Variants in TRABD2B observed in about 807,000 individuals in gnomAD.
The protein encoded by TRABD2B is metalloprotease TIKI2.
A neutral mutation model predicts 40.1 loss-of-function variants in TRABD2B; 14 were observed. The observed-to-expected ratio is 0.35, with a 90% confidence interval of 0.23 to 0.55. The LOEUF (loss-of-function observed/expected upper bound fraction) is 0.55. TRABD2B is among the 20% of genes least tolerant of loss of function. The pLI, the probability that TRABD2B is intolerant of heterozygous loss-of-function variation, is 0.90. For missense variants in TRABD2B, 541 were observed against 648.6 expected (o/e 0.83, Z 1.80); for synonymous variants, 263 against 277.0 (o/e 0.95, Z 0.50).
intron 2 of TRABD2B, among the ~76,000 whole-genome samples, chr1:47,854,842 T>C (rs1643875121): frequency 6.6e-6 from 1 of 152,190 alleles, no homozygotes; most frequent in Admixed American, 6.5e-5. Context: ...GCAGCTTGTA[T>C]AGGTGGTGAG....
At chr1:47,989,143 A>G (rs564221597) in intron 2 of TRABD2B, among the ~76,000 whole-genome samples, 2 of 152,314 alleles carry the variant, frequency 1.3e-5, no homozygotes, top group African/African-American at 4.8e-5. Context: ...TGGTACCTTG[A>G]TCTTGAACTT....
At chr1:47,836,511 G>A (rs1000321208) in intron 2 of TRABD2B, among the ~76,000 whole-genome samples, 1 of 152,238 alleles carries the variant, frequency 6.6e-6, no homozygotes, top group Non-Finnish European at 1.5e-5. Context: ...GGAATTATGT[G>A]TGTTGTCCTT....
chr1:47,831,217 C>T (rs1314677602), intron 2 of TRABD2B, among the ~76,000 whole-genome samples: 2 of 152,098 alleles, frequency 1.3e-5, no homozygotes, highest in African/African-American at 4.8e-5. Context: ...CTGGCTTTTA[C>T]AGCACGTAAG....
At chr1:47,777,174 A>G (rs1644459032) in intron 5 of TRABD2B, among the ~76,000 whole-genome samples, 1 of 152,146 alleles carries the variant, frequency 6.6e-6, no homozygotes, top group African/African-American at 2.4e-5. Context: ...AACAGACACA[A>G]TGAGCTTCAA....
intron 2 of TRABD2B, among the ~76,000 whole-genome samples, chr1:47,882,138 C>T (rs989587999): frequency 6.6e-6 from 1 of 152,254 alleles, no homozygotes; most frequent in South Asian, 2.1e-4. Context: ...TTATTTTCAG[C>T]AACCGAGGAG....
chr1:47,989,773 CAA>C lies in TRABD2B; in HGVS notation c.666+4259_666+4260del, dbSNP rs3045434. On this transcript the variant is annotated intron_variant, in intron 2 of 6. Transcript: ENST00000606738. ...CAACACACACACACACACACACACACAAACACACACACACACAATTCAGCAGA... is the reference window on the plus strand; with the variant it reads ...CAACACACACACACACACACACACACACACACACACACACAATTCAGCAGA... Among the ~76,000 whole-genome samples the C allele has an allele frequency of 2.0e-5, 3 of 151,000 alleles. No homozygotes were observed. In the South Asian group the frequency reaches 6.3e-4, roughly 32 times the overall value.
In TRABD2B at chr1:47,984,320, G is replaced by C. The variant is rs372500031; in HGVS notation, c.666+9714C>G. Among the ~76,000 whole-genome samples the C allele has an allele frequency of 7.8e-4, 119 of 152,338 alleles. 1 individual carries two copies. Among genetic ancestry groups the C allele is most frequent in the African/African-American group, 2.8e-3 (115 of 41,590 alleles). On this transcript the variant is annotated intron_variant, in intron 2 of 6. Coordinates refer to ENST00000606738, the MANE Select transcript of TRABD2B (RefSeq NM_001194986.2). ...GTCGCTGCCTGATCGAGTGACGGGC[G>C]AGGACATACACACTGCGGCCCCCAA...
intron 6 of TRABD2B, among the ~76,000 whole-genome samples, chr1:47,771,911 G>T (rs1644382235): frequency 6.6e-6 from 1 of 152,152 alleles, no homozygotes; most frequent in South Asian, 2.1e-4. Flanking sequence ...GGCACTCCAG[G>T]CGCGTCCCTG....
chr1:47,923,915 TACACACACACACAC>T (rs60288001), intron 2 of TRABD2B, among the ~76,000 whole-genome samples: 37,247 of 132,592 alleles, frequency 0.28, 4,659 homozygotes, highest in Non-Finnish European at 0.32. Context: ...CATACACACA[TACACACACACACAC>T]ACACACACAC....
chr1:47,811,257 C>T (rs1644961113), intron 2 of TRABD2B, among the ~76,000 whole-genome samples: 4 of 152,048 alleles, frequency 2.6e-5, no homozygotes, highest in South Asian at 4.2e-4. Context: ...CCTCCCTTCC[C>T]CTCACCACCC....
chr1:47,780,404 C>A (rs1644504504), intron 4 of TRABD2B, among the ~76,000 whole-genome samples: 1 of 152,182 alleles, frequency 6.6e-6, no homozygotes, highest in East Asian at 1.9e-4. Flanking sequence ...TATTTCCTTT[C>A]CCCACCTATT....
At chr1:47,864,246 C>T (rs1201191729) in intron 2 of TRABD2B, among the ~76,000 whole-genome samples, 1 of 151,974 alleles carries the variant, frequency 6.6e-6, no homozygotes, top group Non-Finnish European at 1.5e-5. Context: ...AGTCACTAAT[C>T]TTTGGACTTT....
At chr1:47,836,967 T>C (rs1454175038) in intron 2 of TRABD2B, among the ~76,000 whole-genome samples, 1 of 152,230 alleles carries the variant, frequency 6.6e-6, no homozygotes, top group African/African-American at 2.4e-5. Context: ...TTAGGTCCAA[T>C]AGCCCAAATG....
intron 2 of TRABD2B, among the ~76,000 whole-genome samples, chr1:47,990,951 C>T (rs1646002414): frequency 2.0e-5 from 3 of 150,734 alleles, no homozygotes; most frequent in African/African-American, 7.3e-5. Context: ...AGACCTGCCT[C>T]ACCACCAGCC....
chr1:47,836,562 T>C (rs536568360), intron 2 of TRABD2B, among the ~76,000 whole-genome samples: 4 of 152,266 alleles, frequency 2.6e-5, no homozygotes, highest in African/African-American at 7.2e-5. Flanking sequence ...CCAATAAATG[T>C]TGGTATCCAA....
At chr1:47,870,316 T>A (rs1041180566) in intron 2 of TRABD2B, among the ~76,000 whole-genome samples, 1 of 152,122 alleles carries the variant, frequency 6.6e-6, no homozygotes, top group Non-Finnish European at 1.5e-5. Context: ...TATGATGATG[T>A]TCTTGCATTA....
At chr1:47,965,203 G>A (rs1557684209) in intron 2 of TRABD2B, among the ~76,000 whole-genome samples, 1 of 102,830 alleles carries the variant, frequency 9.7e-6, no homozygotes, top group African/African-American at 3.9e-5. Context: ...GCGGGGGGCG[G>A]GGGGGGGTGG....
At position 47,779,247 on chromosome 1, in the gene TRABD2B, C is replaced by T. The variant is rs948809115; in HGVS notation, c.989-703G>A. On this transcript the variant is annotated intron_variant, in intron 4 of 6. Coordinates refer to ENST00000606738, the MANE Select transcript of TRABD2B (RefSeq NM_001194986.2). ...ACTCACTGAGGTGTAAGATCCCAGC[C>T]GGGGTAACCAAAAACCCTGACTGAT... 1.1e-4 allele frequency among the ~76,000 whole-genome samples: 10 copies of T among 89,432 alleles called. No individual in the cohort carries two copies. The East Asian group carries it at 0.021, about 190-fold the overall frequency. 58.7% of individuals were successfully genotyped at this position (89,432 alleles called of 152,430 possible).
chr1:47,848,645 C>G (rs1450870773), intron 2 of TRABD2B, among the ~76,000 whole-genome samples: 4 of 152,178 alleles, frequency 2.6e-5, no homozygotes, highest in African/African-American at 7.2e-5. Flanking sequence ...AACGAGGAAA[C>G]TGAGGGCTGC....
Sources: allele counts gnomAD v4.1 joint callset (sites outside exome capture counted in the v4.1 genomes callset), GRCh38; gene constraint gnomAD v4.1.1; transcripts MANE v1.5; gene names NCBI Gene and HGNC (gene_info 2026-07-23, HGNC 2026-07-21).